SMARCD3: variants seen among roughly 807,000 people sequenced by gnomAD.
SMARCD3 encodes the protein SWI/SNF related BAF chromatin remodeling complex subunit D3, also known as SWI/SNF-related matrix-associated actin-dependent regulator of chromatin subfamily D member 3.
SMARCD3 carries 14 observed loss-of-function variants against 58.0 expected under a neutral mutation model. That is an observed-to-expected ratio of 0.24 (90% CI 0.16 to 0.38). The LOEUF is 0.38. SMARCD3 is among the 10% of genes least tolerant of loss of function. The pLI is 1.00. For missense variants in SMARCD3, 408 were observed against 636.9 expected, an observed-to-expected ratio of 0.64 and a Z score of 3.87; for synonymous variants, 253 against 253.8, an observed-to-expected ratio of 1.00 and a Z score of 0.03.
upstream of SMARCD3, chr7:151,277,099 C>G (rs1422706766): frequency 6.7e-6 from 1 of 150,080 alleles, no homozygotes; most frequent in Non-Finnish European, 1.5e-5. Flanking sequence ...GACCCCGGCC[C>G]GGAGCGCGGC....
In SMARCD3 at chr7:151,243,807, T is replaced by A; in HGVS notation, c.291-106A>T. 3.6e-6 allele frequency: 3 copies of A among 835,108 alleles called. No homozygotes were observed. Among genetic ancestry groups the A allele is most frequent in the Non-Finnish European group, 6.3e-6 (3 of 474,236 alleles). 51.7% of individuals were successfully genotyped at this position (835,108 alleles called of 1,614,324 possible). On this transcript the variant is annotated intron_variant, in intron 2 of 12. Transcript: ENST00000262188. This position sits in a 1 kb window ranked among gnomAD's most constrained non-coding sequence, Gnocchi z 4.4. ...ACATCTCCGCCCGCCTGGCTGGGGT[T>A]CCCACAGCCCACTTGTCTGCCCGCC...
intron 2 of SMARCD3, among the ~76,000 whole-genome samples, chr7:151,263,866 C>G (rs761908772): frequency 6.6e-6 from 1 of 152,190 alleles, no homozygotes; most frequent in Non-Finnish European, 1.5e-5. Context: ...TTTCACAGCT[C>G]TGACAGAATC....
chr7:151,263,100 G>A (rs1173397516), intron 2 of SMARCD3, among the ~76,000 whole-genome samples: 1 of 152,130 alleles, frequency 6.6e-6, no homozygotes, highest in African/African-American at 2.4e-5. Flanking sequence ...GAGGCCTAAG[G>A]AAGCAAAGTG....
chr7:151,264,600 C>T (rs1563689019), intron 2 of SMARCD3, among the ~76,000 whole-genome samples: 1 of 152,192 alleles, frequency 6.6e-6, no homozygotes, highest in Admixed American at 6.5e-5. Flanking sequence ...GAGGCAATCA[C>T]CCCCTGAAGA....
upstream of SMARCD3, chr7:151,248,764 CCG>C: frequency 1.0e-6 from 1 of 961,380 alleles, no homozygotes; most frequent in Non-Finnish European, 1.3e-6. The surrounding 1 kb of genome is among the most constrained non-coding windows in gnomAD (Gnocchi z 6.1). Context: ...CCCGCCGCCG[CCG>C]CCGCCGCCGC....
chr7:151,241,401 G>A lies in SMARCD3; in HGVS notation c.939+91C>T, dbSNP rs1255131056. On this transcript the variant is annotated intron_variant, in intron 8 of 12. Transcript: ENST00000262188. This position sits in a 1 kb window ranked among gnomAD's most constrained non-coding sequence, Gnocchi z 5.3. ...GCTTCTGCTACTCAGGAATCTAGAA[G>A]GGAGGGGTGGTAGTTACCTTGGTAG... 1 of 1,082,894 alleles carries A rather than the reference G, an allele frequency of 9.2e-7. No individual in the cohort carries two copies. The highest frequency in any genetic ancestry group is 1.5e-5 in the African/African-American group (1 of 64,588). The allele number at this position is 1,082,894 out of a possible 1,614,324, so 67.1% of individuals were successfully genotyped here. A position where few individuals can be genotyped will look rare whatever the true frequency, so the allele number is the denominator to read the frequency against.
rs150425922 is a variant in SMARCD3, at chr7:151,259,889, C to T, written c.40-14218G>A. Among the ~76,000 whole-genome samples the T allele has an allele frequency of 2.4e-3, 371 of 151,738 alleles. 1 individual carries two copies. Among genetic ancestry groups the T allele is most frequent in the African/African-American group, 6.8e-3 (283 of 41,366 alleles). On this transcript the variant is annotated intron_variant, in intron 2 of 13. Coordinates refer to the SMARCD3 transcript ENST00000356800. ...CCTCCCAAAGTGCTGGGATTACAGG[C>T]GTGAGCCACCACGCCTGGCCAAGAC...
chr7:151,258,891 T>C (rs1803802364), intron 2 of SMARCD3, among the ~76,000 whole-genome samples: 1 of 152,112 alleles, frequency 6.6e-6, no homozygotes, highest in African/African-American at 2.4e-5. Context: ...TGTCTCCTTC[T>C]CAATGAGGCA....
chr7:151,241,462 C>T lies in SMARCD3; in HGVS notation c.939+30G>A. On this transcript the variant is annotated intron_variant, in intron 8 of 12. Coordinates refer to ENST00000262188, the MANE Select transcript of SMARCD3 (RefSeq NM_001003801.2). This position sits in a 1 kb window ranked among gnomAD's most constrained non-coding sequence, Gnocchi z 5.3. ...CCTGCTGGAGAACTCCGCCTGCTCC[C>T]CAGATCCCAGGGTTCAGGAGAGAGG... is the stretch of plus-strand genomic sequence containing the variant. 1 of 1,602,620 alleles carries T rather than the reference C, an allele frequency of 6.2e-7. No homozygotes were observed. The highest frequency in any genetic ancestry group is 1.7e-5 in the Admixed American group (1 of 58,560).
chr7:151,265,959 A>C (rs542782758), intron 2 of SMARCD3, among the ~76,000 whole-genome samples: 1 of 152,016 alleles, frequency 6.6e-6, no homozygotes, highest in South Asian at 2.1e-4. Context: ...TTTAACCTCA[A>C]TTTTTTCTTT....
In SMARCD3 at chr7:151,238,871, A is replaced by G. The variant is rs530777108; in HGVS notation, c.*232T>C. 31 of 1,388,910 alleles carry G rather than the reference A, an allele frequency of 2.2e-5. No individual in the cohort carries two copies. In the African/African-American group the frequency reaches 3.0e-4, roughly 13 times the overall value. The allele number at this position is 1,388,910 out of a possible 1,614,324, so 86.0% of individuals were successfully genotyped here. A position where few individuals can be genotyped will look rare whatever the true frequency, so the allele number is the denominator to read the frequency against. Reference sequence around the variant, plus strand: ...TGAGTAAGGAGAAGAATCCAAGGGAAGGGAATGGGGAGTCGTCCCGAGGGA... The same window carrying G: ...TGAGTAAGGAGAAGAATCCAAGGGAGGGGAATGGGGAGTCGTCCCGAGGGA... On this transcript the variant is annotated 3_prime_UTR_variant, in exon 13 of 13. Transcript: ENST00000262188.
chr7:151,248,741 C>CCCA, upstream of SMARCD3: 1 of 1,137,510 alleles, frequency 8.8e-7, no homozygotes, highest in South Asian at 4.3e-5. This position sits in a 1 kb window ranked among gnomAD's most constrained non-coding sequence, Gnocchi z 6.1. Flanking sequence ...ACGGCCCACG[C>CCCA]CGCCGCCGCC....
chr7:151,275,463 G>A (rs535845115), intron 1 of SMARCD3, among the ~76,000 whole-genome samples: 3 of 152,208 alleles, frequency 2.0e-5, no homozygotes, highest in Non-Finnish European at 4.4e-5. Flanking sequence ...GTGGGAAGCA[G>A]ACAGAGACCG....
intron 2 of SMARCD3, among the ~76,000 whole-genome samples, chr7:151,257,151 A>C (rs1230404138): frequency 6.6e-6 from 1 of 152,080 alleles, no homozygotes; most frequent in Non-Finnish European, 1.5e-5. Flanking sequence ...TCAGCCTCCC[A>C]AACTGCTGGC....
intron 2 of SMARCD3, among the ~76,000 whole-genome samples, chr7:151,271,848 G>C (rs1489553180): frequency 6.6e-6 from 1 of 152,146 alleles, no homozygotes; most frequent in Non-Finnish European, 1.5e-5. Context: ...TGTAGTCCCA[G>C]TTACTCAGGA....
Position 151,239,145 on chromosome 7 carries a change from G to C in SMARCD3, c.1410C>G (p.Arg470=). 6.2e-7 allele frequency: 1 copy of C among 1,614,136 alleles called. No individual in the cohort carries two copies. Among genetic ancestry groups the C allele is most frequent in the Non-Finnish European group, 8.5e-7 (1 of 1,179,992 alleles). ...CCAGCGACTGCTCCAGCTCCTGCCTGCGCTGCTGGATCTTTAGAGGAAGTG... is the reference window on the plus strand; with the variant it reads ...CCAGCGACTGCTCCAGCTCCTGCCTCCGCTGCTGGATCTTTAGAGGAAGTG... ...SRYFYCKIQQ[R]RQELEQSLVV... The change falls in exon 13 of 13, where the codon CGC becomes CGG. Residue 470 remains arginine, a synonymous_variant. Transcript: ENST00000262188. The surrounding 1 kb of genome is among the most constrained non-coding windows in gnomAD (Gnocchi z 7.0).
rs1043036501 is a variant in SMARCD3, at chr7:151,241,179, A to T, written c.939+313T>A. On this transcript the variant is annotated intron_variant, in intron 8 of 12. Coordinates refer to ENST00000262188, the MANE Select transcript of SMARCD3 (RefSeq NM_001003801.2). The surrounding 1 kb of genome is among the most constrained non-coding windows in gnomAD (Gnocchi z 5.3). ...AGTCACTTACCCAGAGTCCAGACTCAGGACTAGAACCTGGGGATCCTAACT... is the reference window on the plus strand; with the variant it reads ...AGTCACTTACCCAGAGTCCAGACTCTGGACTAGAACCTGGGGATCCTAACT... The T allele has an allele frequency of 9.8e-6, 4 of 406,652 alleles. No homozygotes were observed. The highest frequency in any genetic ancestry group is 1.9e-5 in the Non-Finnish European group (4 of 215,294). 25.2% of individuals were successfully genotyped at this position (406,652 alleles called of 1,614,324 possible). A position where few individuals can be genotyped will look rare whatever the true frequency, so the allele number is the denominator to read the frequency against.
intron 2 of SMARCD3, among the ~76,000 whole-genome samples, chr7:151,253,951 T>C (rs1376332085): frequency 6.6e-6 from 1 of 151,724 alleles, no homozygotes; most frequent in Non-Finnish European, 1.5e-5. Flanking sequence ...TCTCCTCTCC[T>C]CTCCCTCCGG....
intron 2 of SMARCD3, among the ~76,000 whole-genome samples, chr7:151,254,635 C>G (rs1019069710): frequency 2.0e-5 from 3 of 152,240 alleles, no homozygotes; most frequent in Non-Finnish European, 4.4e-5. Context: ...TCCCCAGGCC[C>G]CAGCCCTCCT....
Sources: gnomAD v4.1 joint callset for allele counts (sites outside exome capture counted in the v4.1 genomes callset) on GRCh38, gnomAD v4.1.1 for gene constraint, Gnocchi (gnomAD v3.1) non-coding constraint, MANE v1.5 for transcripts, NCBI Gene and HGNC (gene_info 2026-07-23, HGNC 2026-07-21) for gene names.